Variants in APBB2 observed in about 807,000 individuals in gnomAD.
The protein encoded by APBB2 is Fe65-like 1.
Under a neutral mutation model 82.5 loss-of-function variants are expected in APBB2, and 38 were observed. The observed-to-expected ratio is 0.46, with a 90% CI of 0.36 to 0.60. The LOEUF (loss-of-function observed/expected upper bound fraction) is 0.60, where lower values mean the gene tolerates loss of function less well. Ranked by LOEUF, APBB2 falls within the 20% of genes least tolerant of loss-of-function variation. The pLI, the probability that APBB2 is intolerant of heterozygous loss-of-function variation, is 0.00. For synonymous variants in APBB2, 341 were observed against 368.2 expected, an observed-to-expected ratio of 0.93 and a Z score of 0.85; for missense variants, 772 against 972.3, an observed-to-expected ratio of 0.79 and a Z score of 2.74.
intron 12 of APBB2, chr4:40,881,218 T>C (rs1768393822): frequency 1.0e-6 from 1 of 985,220 alleles, no homozygotes; most frequent in Non-Finnish European, 1.2e-6. Flanking sequence ...GACAATACTA[T>C]AGTGTAGGGA....
At chr4:40,967,158 C>A (rs948111365) in intron 6 of APBB2, among the ~76,000 whole-genome samples, 12 of 152,158 alleles carry the variant, frequency 7.9e-5, no homozygotes, top group African/African-American at 2.9e-4. Flanking sequence ...AACAGGATGA[C>A]CTGGCTGTGG....
At chr4:40,859,327 T>A (rs561032618) in intron 12 of APBB2, among the ~76,000 whole-genome samples, 1 of 151,156 alleles carries the variant, frequency 6.6e-6, no homozygotes, top group African/African-American at 2.4e-5. Context: ...ACTAGTGCAG[T>A]GGCCGCTATC....
At chr4:41,153,237 G>A (rs1762709763) in intron 1 of APBB2, among the ~76,000 whole-genome samples, 1 of 152,132 alleles carries the variant, frequency 6.6e-6, no homozygotes, top group Non-Finnish European at 1.5e-5. Flanking sequence ...TGAAGTGAGA[G>A]ATTTTGGAGA....
intron 2 of APBB2, among the ~76,000 whole-genome samples, chr4:41,134,129 C>T (rs1756866883): frequency 6.6e-6 from 1 of 152,104 alleles, no homozygotes; most frequent in African/African-American, 2.4e-5. Context: ...TGCCACCATA[C>T]CTGGCTAATT....
chr4:40,918,994 G>A (rs907551273), intron 10 of APBB2, among the ~76,000 whole-genome samples: 1 of 151,948 alleles, frequency 6.6e-6, no homozygotes, highest in East Asian at 1.9e-4. Context: ...AAACCCCTGT[G>A]ACTAAAGCTG....
At chr4:40,850,371 C>A (rs966621878) in intron 12 of APBB2, among the ~76,000 whole-genome samples, 1 of 152,206 alleles carries the variant, frequency 6.6e-6, no homozygotes, top group East Asian at 1.9e-4. Context: ...AAGAAAGAGG[C>A]TCAAGTGTAG....
Position 40,832,259 on chromosome 4 carries a change from T to C in APBB2, c.1530-1682A>G, listed in dbSNP as rs1314280758. ...GCCTTGGGAAGGGACAGGGATTTAC[T>C]ATAGCAGGCAACTGGCCATCGTGAA... On this transcript the variant is annotated intron_variant, in intron 12 of 17. Coordinates refer to ENST00000508593, the MANE Select transcript of APBB2 (RefSeq NM_004307.2). This position sits in a 1 kb window ranked among gnomAD's most constrained non-coding sequence, Gnocchi z 4.8. Among the ~76,000 whole-genome samples the C allele has an allele frequency of 1.3e-5, 2 of 152,312 alleles. No individual in the cohort carries two copies. Among genetic ancestry groups the C allele is most frequent in the Admixed American group, 6.5e-5 (1 of 15,304 alleles).
At chr4:41,146,560 C>T (rs1363251983) in intron 1 of APBB2, among the ~76,000 whole-genome samples, 2 of 152,176 alleles carry the variant, frequency 1.3e-5, no homozygotes, top group Non-Finnish European at 1.5e-5. Flanking sequence ...TCCTTCATCG[C>T]TTATGTCCAC....
At chr4:41,068,933 T>C (rs1195413626) in intron 3 of APBB2, among the ~76,000 whole-genome samples, 1 of 151,908 alleles carries the variant, frequency 6.6e-6, no homozygotes, top group Non-Finnish European at 1.5e-5. Flanking sequence ...GTAGCTGGGA[T>C]TACAGGCACA....
chr4:40,917,814 G>C (rs1369691408), intron 10 of APBB2, among the ~76,000 whole-genome samples: 1 of 152,210 alleles, frequency 6.6e-6, no homozygotes, highest in Non-Finnish European at 1.5e-5. Context: ...AAGAAAAAGA[G>C]ATGTTAAAAC....
At chr4:41,088,533 A>C (rs1378831091) in intron 3 of APBB2, among the ~76,000 whole-genome samples, 11 of 152,214 alleles carry the variant, frequency 7.2e-5, no homozygotes, top group African/African-American at 2.2e-4. Flanking sequence ...GCAGATCCTG[A>C]GATAAGAAAT....
chr4:40,901,909 A>ATGTGTGTGTGTGTGTGTGTGTG lies in APBB2; in HGVS notation c.1255-8520_1255-8499dup, dbSNP rs35766512. Among the ~76,000 whole-genome samples the ATGTGTGTGTGTGTGTGTGTGTG allele has an allele frequency of 2.5e-3, 360 of 145,518 alleles. 3 individuals carry two copies. Among genetic ancestry groups the ATGTGTGTGTGTGTGTGTGTGTG allele is most frequent in the African/African-American group, 8.5e-3 (333 of 39,264 alleles). On this transcript the variant is annotated intron_variant, in intron 10 of 17. Transcript: ENST00000508593. ...ACACCCTGAAAATATATCCAAAATT[A>ATGTGTGTGTGTGTGTGTGTGTG]TGTGTGTGTGTGTGTGTGTGTGTGT...
At chr4:41,177,307 A>T (rs1770091915) in intron 1 of APBB2, among the ~76,000 whole-genome samples, 1 of 152,164 alleles carries the variant, frequency 6.6e-6, no homozygotes, top group Non-Finnish European at 1.5e-5. Context: ...ACACTCACTG[A>T]CTCAGCTGAC....
intron 12 of APBB2, among the ~76,000 whole-genome samples, chr4:40,851,664 C>T (rs1759404026): frequency 6.6e-6 from 1 of 150,884 alleles, no homozygotes; most frequent in African/African-American, 2.5e-5. Context: ...CAAGTCACTC[C>T]TGCCCTTTCC....
chr4:40,940,528 C>T lies in APBB2; in HGVS notation c.1044+4337G>A, dbSNP rs527671348. Among the ~76,000 whole-genome samples the T allele has an allele frequency of 2.6e-5, 4 of 152,282 alleles. No homozygotes were observed. The South Asian group carries it at 6.2e-4, about 24-fold the overall frequency. ...TGAGTGAAGAAGTTCAGAAAAATGA[C>T]GGCAGAACGGCCCTTTTATGTTGTC... On this transcript the variant is annotated intron_variant, in intron 7 of 17. Coordinates refer to ENST00000508593, the MANE Select transcript of APBB2 (RefSeq NM_004307.2).
Position 41,090,196 on chromosome 4 carries a change from C to T in APBB2, c.-149+10443G>A, listed in dbSNP as rs531931058. 3.9e-5 allele frequency among the ~76,000 whole-genome samples: 6 copies of T among 152,154 alleles called. No homozygotes were observed. In the South Asian group the frequency reaches 1.3e-3, roughly 32 times the overall value. On this transcript the variant is annotated intron_variant, in intron 3 of 17. Coordinates refer to ENST00000508593, the MANE Select transcript of APBB2 (RefSeq NM_004307.2). ...TCCAGTCGTTTCTATAAACCTCTGA[C>T]AGAATCTTTCTTCTAAGAAGTTATA... is the stretch of plus-strand genomic sequence containing the variant.
chr4:40,990,470 G>C (rs1011151737), intron 6 of APBB2, among the ~76,000 whole-genome samples: 5 of 152,176 alleles, frequency 3.3e-5, no homozygotes, highest in Non-Finnish European at 5.9e-5. Flanking sequence ...CATTTCTCAT[G>C]AAAGACACTG....
intron 6 of APBB2, among the ~76,000 whole-genome samples, chr4:41,006,361 A>G (rs1426476378): frequency 6.6e-6 from 1 of 152,244 alleles, no homozygotes; most frequent in East Asian, 1.9e-4. Context: ...AGAAGACATA[A>G]CAGGAAGGCT....
rs372123975 is a variant in APBB2 at position 40,968,990 on chromosome 4, C to T, written c.836-23917G>A. Among the ~76,000 whole-genome samples the T allele has an allele frequency of 7.2e-5, 11 of 152,320 alleles. No individual in the cohort carries two copies. The East Asian group carries it at 9.6e-4, about 13-fold the overall frequency. ...TGGTTTTATAAGGGATTTCTCCTTT[C>T]GCTTGGCTCTCATTCTCTCTTGCCT... On this transcript the variant is annotated intron_variant, in intron 6 of 17. Coordinates refer to ENST00000508593, the MANE Select transcript of APBB2 (RefSeq NM_004307.2).
Sources: gnomAD v4.1 joint callset for allele counts (sites outside exome capture counted in the v4.1 genomes callset) on GRCh38, gnomAD v4.1.1 for gene constraint, Gnocchi (gnomAD v3.1) non-coding constraint, MANE v1.5 for transcripts, NCBI Gene and HGNC (gene_info 2026-07-23, HGNC 2026-07-21) for gene names.